CNNM1: variants seen among roughly 807,000 people sequenced by gnomAD.
The protein encoded by CNNM1 is metal transporter CNNM1.
Under a neutral mutation model 78.8 loss-of-function variants are expected in CNNM1, and 44 were observed. The ratio of observed to expected loss-of-function variants is 0.56; its 90% CI spans 0.44 to 0.72. The LOEUF (loss-of-function observed/expected upper bound fraction) is 0.72, where lower values mean the gene tolerates loss of function less well. CNNM1 is among the 30% of genes least tolerant of loss of function. The pLI is 0.00. For missense variants in CNNM1, 1,101 were observed against 1,292.2 expected (o/e 0.85, Z 2.27); for synonymous variants, 584 against 581.5 (o/e 1.00, Z -0.06).
chr10:99,344,043 G>A (rs1408234126), intron 1 of CNNM1, among the ~76,000 whole-genome samples: 1 of 150,048 alleles, frequency 6.7e-6, no homozygotes, highest in Non-Finnish European at 1.5e-5. Context: ...TTAAGAAGAT[G>A]GAAGATAGGC....
intron 6 of CNNM1, among the ~76,000 whole-genome samples, chr10:99,370,031 T>C (rs931044639): frequency 6.6e-6 from 1 of 152,238 alleles, no homozygotes; most frequent in Non-Finnish European, 1.5e-5. Context: ...AACCTTCAGT[T>C]AACCAGATGA....
intron 7 of CNNM1, among the ~76,000 whole-genome samples, chr10:99,386,429 T>A (rs911496159): frequency 6.6e-6 from 1 of 152,238 alleles, no homozygotes; most frequent in Non-Finnish European, 1.5e-5. Context: ...ATTCTGATGC[T>A]GAGGTTTGAG....
At chr10:99,360,163 A>G (rs897992485) in intron 2 of CNNM1, among the ~76,000 whole-genome samples, 3 of 151,970 alleles carry the variant, frequency 2.0e-5, no homozygotes, top group East Asian at 3.9e-4. Flanking sequence ...TCTTCCCTAT[A>G]TTTCCCCTGA....
chr10:99,365,174 A>G, intron 6 of CNNM1, 172 bp downstream of exon 6: 1 of 712,064 alleles, frequency 1.4e-6, no homozygotes, highest in Non-Finnish European at 2.5e-6. Context: ...CCCACAGACC[A>G]TGGGAGCTTA....
intron 10 of CNNM1, 35 bp downstream of exon 10, chr10:99,390,442 C>A: frequency 6.9e-7 from 1 of 1,454,508 alleles, no homozygotes; most frequent in South Asian, 1.2e-5. Flanking sequence ...ATGAGAGCCA[C>A]CCTGCTGATG....
chr10:99,378,707 G>A (rs1454620797), intron 7 of CNNM1, among the ~76,000 whole-genome samples: 2 of 152,196 alleles, frequency 1.3e-5, no homozygotes, highest in Admixed American at 1.3e-4. Flanking sequence ...ACCCTATGAG[G>A]TAGGTATTGC....
rs763110858 is a variant in CNNM1, at chr10:99,364,454, G to A, written c.2066G>A (p.Arg689His). The change falls in exon 5 of 11, where the codon CGC becomes CAC. Residue 689 changes from arginine to histidine, a missense_variant. By Grantham distance (29) the Arg-to-His change is conservative. This residue lies in a region of CNNM1 where 348 missense variants were observed against 384.5 expected (regional missense o/e 0.90). Coordinates refer to ENST00000356713, the MANE Select transcript of CNNM1 (RefSeq NM_020348.3). Reference sequence around the variant, plus strand: ...GTGGAGGTTGGTAAGGAAGGCCTTCGCTTTGAAAATGGAGCCTTTACTTAC... The same window carrying A: ...GTGGAGGTTGGTAAGGAAGGCCTTCACTTTGAAAATGGAGCCTTTACTTAC... ...VEVEVGKEGL[R>H]FENGAFTYYG... 21 of 1,611,872 alleles carry A rather than the reference G, an allele frequency of 1.3e-5. No individual in the cohort carries two copies. In the East Asian group the frequency reaches 1.6e-4, roughly 12 times the overall value.
chr10:99,348,209 A>C (rs1276349292), intron 1 of CNNM1, among the ~76,000 whole-genome samples: 1 of 151,600 alleles, frequency 6.6e-6, no homozygotes, highest in African/African-American at 2.4e-5. Flanking sequence ...CACCTGGCTA[A>C]ATTTTTTAAA....
At chr10:99,346,378 A>G (rs1456230922) in intron 1 of CNNM1, among the ~76,000 whole-genome samples, 2 of 152,222 alleles carry the variant, frequency 1.3e-5, no homozygotes, top group Non-Finnish European at 2.9e-5. Flanking sequence ...AGTCTCCTTT[A>G]CTGGTTCTGC....
Position 99,330,454 on chromosome 10 carries a change from C to T in CNNM1, c.1067C>T (p.Ser356Leu), listed in dbSNP as rs867369746. 6.3e-7 allele frequency: 1 copy of T among 1,589,372 alleles called. No homozygotes were observed. The highest frequency in any genetic ancestry group is 8.6e-7 in the Non-Finnish European group (1 of 1,168,830). ...TCGCGGCACGGGCTGGCCATCGCCT[C>T]GCACAGCGTGTGCCTGACCCGGCTT... Reference protein sequence around the residue: ...VCSRHGLAIASHSVCLTRLLM... With the variant: ...VCSRHGLAIALHSVCLTRLLM... The change falls in exon 1 of 11, where the codon TCG becomes TTG. Residue 356 changes from serine to leucine, a missense_variant. This residue lies in a region of CNNM1 where 277 missense variants were observed against 423.2 expected (regional missense o/e 0.65). Transcript: ENST00000356713.
chr10:99,382,059 A>G (rs1300422793), intron 7 of CNNM1, among the ~76,000 whole-genome samples: 1 of 152,152 alleles, frequency 6.6e-6, no homozygotes, highest in South Asian at 2.1e-4. Flanking sequence ...GCTAAAGAGA[A>G]GACTGCAAGA....
chr10:99,330,134 G>A lies in CNNM1; in HGVS notation c.747G>A (p.Leu249=). 6.5e-7 allele frequency: 1 copy of A among 1,547,830 alleles called. No individual in the cohort carries two copies. Among genetic ancestry groups the A allele is most frequent in the Non-Finnish European group, 8.7e-7 (1 of 1,153,518 alleles). The change falls in exon 1 of 11, where the codon CTG becomes CTA. Residue 249 remains leucine (L), a synonymous_variant. Transcript: ENST00000356713. ...FSGLRLSLLS[L]DPVELRVLRN... ...GCCTGCGCCTGAGCCTGCTGTCGCT[G>A]GACCCGGTGGAGTTACGGGTGCTGC... is the stretch of plus-strand genomic sequence containing the variant.
chr10:99,332,180 C>A (rs1043198555), intron 1 of CNNM1, among the ~76,000 whole-genome samples: 7 of 152,178 alleles, frequency 4.6e-5, no homozygotes, highest in Non-Finnish European at 7.3e-5. Flanking sequence ...GACTATCTCA[C>A]AAACCCTGAA....
intron 6 of CNNM1, among the ~76,000 whole-genome samples, chr10:99,376,730 TC>T (rs940701286): frequency 1.3e-5 from 2 of 151,804 alleles, no homozygotes; most frequent in African/African-American, 4.8e-5. Context: ...GAACCACCCG[TC>T]CCCCCTGTCT....
chr10:99,349,094 T>C (rs1296918019), intron 1 of CNNM1, among the ~76,000 whole-genome samples: 1 of 152,126 alleles, frequency 6.6e-6, no homozygotes, highest in African/African-American at 2.4e-5. Flanking sequence ...GAAACCTATG[T>C]TCAGATATAA....
intron 1 of CNNM1, among the ~76,000 whole-genome samples, chr10:99,339,225 G>A (rs1181282807): frequency 6.6e-6 from 1 of 152,188 alleles, no homozygotes; most frequent in Non-Finnish European, 1.5e-5. Flanking sequence ...TCCATACTCA[G>A]TCTTTGCTTA....
chr10:99,365,077 G>A (rs767956804), intron 6 of CNNM1, 75 bp downstream of exon 6: 214 of 1,469,334 alleles, frequency 1.5e-4, no homozygotes, highest in Non-Finnish European at 1.8e-4. Context: ...GACCTGGACC[G>A]AGCACTTTGA....
At position 99,364,442 on chromosome 10, in the gene CNNM1, A is replaced by G; in HGVS notation, c.2054A>G (p.Lys685Arg). ...GGTAAAGTGGAGGTGGAGGTTGGTA[A>G]GGAAGGCCTTCGCTTTGAAAATGGA... ...LQGKVEVEVGKEGLRFENGAF... is the reference protein window; with the variant it reads ...LQGKVEVEVGREGLRFENGAF... Residue 685 changes from lysine to arginine, a missense_variant, in exon 5 of 11, where the codon AAG (lysine) becomes AGG (arginine). This residue lies in a region of CNNM1 where 348 missense variants were observed against 384.5 expected (regional missense o/e 0.90). Coordinates refer to ENST00000356713, the MANE Select transcript of CNNM1 (RefSeq NM_020348.3). 1 of 1,612,310 alleles carries G rather than the reference A, an allele frequency of 6.2e-7. No homozygotes were observed. Among genetic ancestry groups the G allele is most frequent in the Non-Finnish European group, 8.5e-7 (1 of 1,179,296 alleles).
intron 9 of CNNM1, among the ~76,000 whole-genome samples, 198 bp from the exon 10 acceptor site, chr10:99,390,108 T>C (rs2032428695): frequency 6.6e-6 from 1 of 152,192 alleles, no homozygotes. Flanking sequence ...TTTTGTTCCT[T>C]TTGTGGCACT....
Sources: allele counts gnomAD v4.1 joint callset (sites outside exome capture counted in the v4.1 genomes callset), GRCh38; gene constraint gnomAD v4.1.1; regional missense constraint gnomAD v4.1.1; transcripts MANE v1.5; gene names NCBI Gene and HGNC (gene_info 2026-07-23, HGNC 2026-07-21).